PABPC4L: variants seen among roughly 807,000 people sequenced by gnomAD.
The protein encoded by PABPC4L is poly(A) binding protein cytoplasmic 4 like.
For missense variants in PABPC4L, 452 were observed against 451.4 expected, an observed-to-expected ratio of 1.00 and a Z score of -0.01; for synonymous variants, 169 against 164.1, an observed-to-expected ratio of 1.03 and a Z score of -0.23.
the PABPC4L span, among the ~76,000 whole-genome samples, chr4:134,175,641 G>A: frequency 6.6e-6 from 1 of 151,952 alleles, no homozygotes; most frequent in Non-Finnish European, 1.5e-5. Context: ...TAGAGATGGG[G>A]TTTTGCCATG....
the PABPC4L span, among the ~76,000 whole-genome samples, chr4:134,027,204 C>T: frequency 2.0e-5 from 3 of 152,178 alleles, no homozygotes; most frequent in East Asian, 1.9e-4. Flanking sequence ...CTTTGGAATG[C>T]TCTTTTTTTG....
chr4:134,188,432 CTT>C, the PABPC4L span, among the ~76,000 whole-genome samples: 1 of 152,052 alleles, frequency 6.6e-6, no homozygotes, highest in African/African-American at 2.4e-5. Flanking sequence ...TAATTATTGA[CTT>C]ATAACATTTC....
chr4:134,113,142 CAA>C, the PABPC4L span, among the ~76,000 whole-genome samples: 21 of 151,862 alleles, frequency 1.4e-4, no homozygotes, highest in African/African-American at 2.9e-4. Context: ...AGTGTTATTA[CAA>C]AAGAGTCAAA....
chr4:134,162,762 T>C, the PABPC4L span, among the ~76,000 whole-genome samples: 1 of 152,116 alleles, frequency 6.6e-6, no homozygotes, highest in African/African-American at 2.4e-5. Flanking sequence ...TCTTGAATGA[T>C]TTTGGGGTTA....
the PABPC4L span, among the ~76,000 whole-genome samples, chr4:134,175,284 GAATA>G: frequency 6.6e-6 from 1 of 152,054 alleles, no homozygotes; most frequent in Admixed American, 6.6e-5. Flanking sequence ...ACAGAAATAA[GAATA>G]AATAATTAAA....
the PABPC4L span, among the ~76,000 whole-genome samples, chr4:134,063,738 G>A: frequency 6.6e-6 from 1 of 151,896 alleles, no homozygotes; most frequent in African/African-American, 2.4e-5. Context: ...ATGAAATCTT[G>A]TCATTCTAGG....
the PABPC4L span, among the ~76,000 whole-genome samples, chr4:134,115,236 G>A: frequency 1.3e-5 from 2 of 151,778 alleles, no homozygotes; most frequent in Non-Finnish European, 2.9e-5. Flanking sequence ...TAGACAATAG[G>A]CGAGGCACTG....
the PABPC4L span, among the ~76,000 whole-genome samples, chr4:134,150,369 C>T: frequency 6.6e-6 from 1 of 152,078 alleles, no homozygotes; most frequent in Non-Finnish European, 1.5e-5. Context: ...CAGGCATGAG[C>T]CACCGTGCCC....
chr4:134,025,944 A>C, the PABPC4L span, among the ~76,000 whole-genome samples: 2 of 152,160 alleles, frequency 1.3e-5, no homozygotes, highest in African/African-American at 4.8e-5. Flanking sequence ...AGATATTTTA[A>C]ACCACAGTTG....
chr4:134,000,216 C>A, the PABPC4L span, among the ~76,000 whole-genome samples: 6 of 152,090 alleles, frequency 3.9e-5, no homozygotes, highest in Admixed American at 1.3e-4. Flanking sequence ...CTTACTCTGA[C>A]CCATCATAGT....
chr4:134,174,335 A>AT, the PABPC4L span, among the ~76,000 whole-genome samples: 2 of 152,176 alleles, frequency 1.3e-5, no homozygotes, highest in Admixed American at 1.3e-4. Context: ...TGAATAATAA[A>AT]TAGTATAGTA....
the PABPC4L span, among the ~76,000 whole-genome samples, chr4:134,067,001 T>G: frequency 6.6e-6 from 1 of 152,112 alleles, no homozygotes; most frequent in African/African-American, 2.4e-5. Context: ...TGAATTCTTC[T>G]TTTTGTTGTT....
At chr4:134,034,225 G>T in the PABPC4L span, among the ~76,000 whole-genome samples, 1 of 151,922 alleles carries the variant, frequency 6.6e-6, no homozygotes, top group Admixed American at 6.6e-5. Context: ...TTTTAGCAGG[G>T]TTTGGTTAAT....
At chr4:133,952,473 C>A in the PABPC4L span, among the ~76,000 whole-genome samples, 1 of 152,148 alleles carries the variant, frequency 6.6e-6, no homozygotes, top group Non-Finnish European at 1.5e-5. Context: ...TCTATGTGAC[C>A]CATCTGGTTT....
At chr4:134,132,351 C>G in the PABPC4L span, among the ~76,000 whole-genome samples, 2 of 151,930 alleles carry the variant, frequency 1.3e-5, no homozygotes, top group South Asian at 4.2e-4. Context: ...ACAAGGAACT[C>G]AAACAAATGA....
At chr4:134,023,913 T>G in the PABPC4L span, among the ~76,000 whole-genome samples, 2 of 152,122 alleles carry the variant, frequency 1.3e-5, no homozygotes, top group African/African-American at 4.8e-5. Context: ...TGCTGCAGAT[T>G]TTGGAGAAAA....
the PABPC4L span, among the ~76,000 whole-genome samples, chr4:134,174,646 T>C: frequency 8.3e-4 from 126 of 152,272 alleles, no homozygotes; most frequent in African/African-American, 2.9e-3. Context: ...ATGTTTGTAT[T>C]TGTGTGCATG....
the PABPC4L span, among the ~76,000 whole-genome samples, chr4:133,961,967 G>C: frequency 6.6e-6 from 1 of 152,096 alleles, no homozygotes; most frequent in Admixed American, 6.5e-5. Context: ...AAGAACCCCA[G>C]GTCACAGAAC....
chr4:134,057,482 T>C, the PABPC4L span, among the ~76,000 whole-genome samples: 1 of 151,680 alleles, frequency 6.6e-6, no homozygotes, highest in Non-Finnish European at 1.5e-5. Context: ...AGAGGGAGGA[T>C]TGATTTGTCA....
Sources: gnomAD v4.1 joint callset for allele counts (sites outside exome capture counted in the v4.1 genomes callset) on GRCh38, gnomAD v4.1.1 for gene constraint, MANE v1.5 for transcripts, NCBI Gene and HGNC (gene_info 2026-07-23, HGNC 2026-07-21) for gene names.